Variants in SVIL observed in about 807,000 individuals in gnomAD.
SVIL encodes supervillin.
SVIL carries 101 observed loss-of-function variants against 240.4 expected under a neutral mutation model. The ratio of observed to expected loss-of-function variants is 0.42; its 90% CI spans 0.36 to 0.50. The LOEUF (loss-of-function observed/expected upper bound fraction) is 0.50. SVIL is among the 20% of genes least tolerant of loss of function. The pLI, the probability that SVIL is intolerant of heterozygous loss-of-function variation, is 0.01. For missense variants in SVIL, 2,512 were observed against 2,818.7 expected (o/e 0.89, Z 2.46); for synonymous variants, 999 against 1,100.0 (o/e 0.91, Z 1.82).
intron 1 of SVIL, among the ~76,000 whole-genome samples, chr10:29,585,765 A>G (rs1456857482): frequency 6.6e-6 from 1 of 152,184 alleles, no homozygotes; most frequent in Non-Finnish European, 1.5e-5. Flanking sequence ...GAGGGAGGGG[A>G]GAACTGAAGC....
At chr10:29,610,664 T>C (rs1315791689) in intron 1 of SVIL, among the ~76,000 whole-genome samples, 1 of 152,040 alleles carries the variant, frequency 6.6e-6, no homozygotes, top group Non-Finnish European at 1.5e-5. Flanking sequence ...CAAATGATCC[T>C]CCTGCCTCAA....
chr10:29,717,275 T>A (rs1235045881), intron 1 of SVIL, among the ~76,000 whole-genome samples: 2 of 132,640 alleles, frequency 1.5e-5, no homozygotes, highest in African/African-American at 5.8e-5. Flanking sequence ...ATAGGCAGTG[T>A]GATTTATGTT....
At chr10:29,683,701 C>T (rs899767630) in intron 2 of SVIL, among the ~76,000 whole-genome samples, 1 of 152,222 alleles carries the variant, frequency 6.6e-6, no homozygotes, top group Non-Finnish European at 1.5e-5. Flanking sequence ...CACATCTTCT[C>T]CCTCGGGCAG....
chr10:29,582,491 C>T (rs1955986618), intron 1 of SVIL, among the ~76,000 whole-genome samples: 1 of 152,206 alleles, frequency 6.6e-6, no homozygotes, highest in East Asian at 1.9e-4. Context: ...AATCCCAGCA[C>T]TTTGGGAGGC....
At position 29,490,960 on chromosome 10, in the gene SVIL, G is replaced by A. The variant is rs763542293; in HGVS notation, c.4079C>T (p.Ala1360Val). The A allele has an allele frequency of 6.2e-7, 1 of 1,613,980 alleles. No individual in the cohort carries two copies. The highest frequency in any genetic ancestry group is 8.5e-7 in the Non-Finnish European group (1 of 1,179,878). Residue 1360 changes from alanine to valine, a missense_variant, in exon 22 of 38, where the codon GCC becomes GTC. By Grantham distance (64) the Ala-to-Val change is moderately conservative (BLOSUM62 0). Transcript: ENST00000355867. ...RAVRPKRRVQ[A>V]SKNPLKMLAA... ...CAGCATTTTCAGGGGGTTTTTGGAGGCCTGAACCCGGCGCTTGGGCCTAAC... is the reference window on the plus strand; with the variant it reads ...CAGCATTTTCAGGGGGTTTTTGGAGACCTGAACCCGGCGCTTGGGCCTAAC...
rs756173045 is a variant in SVIL, at chr10:29,524,509, T to C, written c.2549A>G (p.Tyr850Cys). Residue 850 changes from tyrosine to cysteine, a missense_variant, in exon 14 of 38, where the codon TAT (tyrosine) becomes TGT (cysteine). This residue lies in a region of SVIL where 1,443 missense variants were observed against 1,486.6 expected (regional missense o/e 0.97). Transcript: ENST00000355867. ...DTRQRRMNAR[Y>C]QTQPVTLGEV... ...TCCCAGTGTGACTGGCTGAGTTTGA[T>C]AGCGAGCGTTCATTCTCCTCTGTCT... 2 of 1,614,192 alleles carry C rather than the reference T, an allele frequency of 1.2e-6. No individual in the cohort carries two copies. Among genetic ancestry groups the C allele is most frequent in the East Asian group, 4.5e-5 (2 of 44,868 alleles).
intron 23 of SVIL, among the ~76,000 whole-genome samples, chr10:29,488,134 G>A (rs897643274): frequency 3.9e-5 from 6 of 152,250 alleles, no homozygotes; most frequent in South Asian, 2.1e-4. Context: ...CTTCATCTGC[G>A]TCGAACTTCC....
chr10:29,686,836 T>C (rs969347992), intron 1 of SVIL, among the ~76,000 whole-genome samples: 2 of 152,228 alleles, frequency 1.3e-5, no homozygotes, highest in Non-Finnish European at 2.9e-5. Flanking sequence ...TGACACACAA[T>C]TTCTAGAATC....
intron 30 of SVIL, among the ~76,000 whole-genome samples, 154 bp from the exon 31 acceptor site, chr10:29,471,397 G>A (rs565589995): frequency 3.0e-4 from 45 of 152,290 alleles, no homozygotes; most frequent in African/African-American, 1.1e-3. Flanking sequence ...CTCTGCGAAC[G>A]CTGCCGTGTG....
chr10:29,505,903 G>C (rs112544715), intron 17 of SVIL, among the ~76,000 whole-genome samples: 90 of 152,040 alleles, frequency 5.9e-4, no homozygotes, highest in African/African-American at 1.7e-3. Context: ...GGACCTCCTA[G>C]AGATACCAAA....
At chr10:29,602,351 ATGC>A (rs1956845033) in intron 1 of SVIL, 1 of 518,570 alleles carries the variant, frequency 1.9e-6, no homozygotes, top group Admixed American at 2.0e-5. Context: ...ACCTTCCAAC[ATGC>A]CGTACCTGCT....
chr10:29,625,601 C>T (rs1957831485), intron 1 of SVIL, among the ~76,000 whole-genome samples: 1 of 152,102 alleles, frequency 6.6e-6, no homozygotes, highest in Admixed American at 6.6e-5. Flanking sequence ...GTAGCTGGGA[C>T]TACAGGTGCC....
At chr10:29,629,441 A>G (rs1006939489) in intron 1 of SVIL, among the ~76,000 whole-genome samples, 2 of 152,164 alleles carry the variant, frequency 1.3e-5, no homozygotes, top group Non-Finnish European at 2.9e-5. Context: ...CTCTAAGTCC[A>G]GTGCAGACCT....
At chr10:29,568,811 ATGGATGGATG>A (rs1955208301) in intron 2 of SVIL, among the ~76,000 whole-genome samples, 7 of 146,068 alleles carry the variant, frequency 4.8e-5, no homozygotes, top group African/African-American at 1.7e-4. Flanking sequence ...GGATGGATGG[ATGGATGGATG>A]TGTGTGTGTG....
chr10:29,676,831 C>A (rs989467032), intron 2 of SVIL, among the ~76,000 whole-genome samples: 1 of 152,184 alleles, frequency 6.6e-6, no homozygotes, highest in Non-Finnish European at 1.5e-5. Flanking sequence ...GTCGATTTTC[C>A]ACCCCTCTTT....
chr10:29,727,482 TG>T (rs1321318389), intron 1 of SVIL, among the ~76,000 whole-genome samples: 4 of 152,010 alleles, frequency 2.6e-5, no homozygotes, highest in Non-Finnish European at 5.9e-5. Flanking sequence ...TCAAACTCCC[TG>T]GGTGCCATGA....
Position 29,532,643 on chromosome 10 carries a change from C to T in SVIL, c.1724G>A (p.Ser575Asn). ...PASRRELELP[S>N]SKTEGPYGEI... The stretch of plus-strand genomic sequence containing the variant: ...CCCATAAGGCCCTTCGGTCTTGGAG[C>T]TGGGCAGCTCCAGCTCTCTCCTGGA... The change falls in exon 8 of 38, where the codon AGC (serine) becomes AAC (asparagine). Residue 575 changes from serine (S) to asparagine (N), a missense_variant. Physicochemically the swap from Ser to Asn is conservative, Grantham distance 46. Coordinates refer to ENST00000355867, the MANE Select transcript of SVIL (RefSeq NM_021738.3). 3 of 1,614,210 alleles carry T rather than the reference C, an allele frequency of 1.9e-6. No homozygotes were observed. The highest frequency in any genetic ancestry group is 2.5e-6 in the Non-Finnish European group (3 of 1,180,032).
At chr10:29,485,979 C>A in intron 26 of SVIL, 106 bp downstream of exon 26, 2 of 1,321,032 alleles carry the variant, frequency 1.5e-6, no homozygotes, top group African/African-American at 1.5e-5. Context: ...TGGATACCGA[C>A]ACTGGCTAAC....
chr10:29,480,918 G>C (rs1653537032), intron 28 of SVIL, 105 bp from the exon 29 acceptor site: 1 of 1,303,412 alleles, frequency 7.7e-7, no homozygotes, highest in South Asian at 1.3e-5. Flanking sequence ...TAAAAATACA[G>C]CTTCCACACT....
Sources: allele counts gnomAD v4.1 joint callset (sites outside exome capture counted in the v4.1 genomes callset), GRCh38; gene constraint gnomAD v4.1.1; regional missense constraint gnomAD v4.1.1; transcripts MANE v1.5; gene names NCBI Gene and HGNC (gene_info 2026-07-23, HGNC 2026-07-21).